CMIP: variants seen among roughly 807,000 people sequenced by gnomAD.
CMIP encodes the protein C-Maf-inducing protein.
A neutral mutation model predicts 97.3 loss-of-function variants in CMIP; 13 were observed. That is an observed-to-expected ratio of 0.13 (90% CI 0.09 to 0.21). CMIP has a LOEUF of 0.21. Among genes scored for constraint, CMIP ranks in the 10% least tolerant of loss-of-function variants. The pLI, the probability that CMIP is intolerant of heterozygous loss-of-function variation, is 1.00. For missense variants in CMIP, 847 were observed against 1,024.9 expected, an observed-to-expected ratio of 0.83 and a Z score of 2.37; for synonymous variants, 538 against 436.3, an observed-to-expected ratio of 1.23 and a Z score of -2.91.
At chr16:81,596,375 G>A (rs2091556564) in intron 1 of CMIP, among the ~76,000 whole-genome samples, 1 of 151,846 alleles carries the variant, frequency 6.6e-6, no homozygotes, top group African/African-American at 2.4e-5. Context: ...CTGTGGTGGG[G>A]CACGCCTATA....
At chr16:81,512,636 G>GT (rs202123265) in intron 1 of CMIP, among the ~76,000 whole-genome samples, 1,959 of 150,862 alleles carry the variant, frequency 0.013, 27 homozygotes, top group Middle Eastern at 0.034. Context: ...TCTTCCAAAG[G>GT]TTTTTTTTTA....
intron 10 of CMIP, among the ~76,000 whole-genome samples, chr16:81,681,638 G>C (rs1567659039): frequency 6.6e-6 from 1 of 152,234 alleles, no homozygotes; most frequent in Admixed American, 6.5e-5. Context: ...ATACTATTGA[G>C]GGCGAGATGC....
At chr16:81,646,997 T>C (rs1010712545) in intron 3 of CMIP, among the ~76,000 whole-genome samples, 3 of 152,234 alleles carry the variant, frequency 2.0e-5, no homozygotes, top group Non-Finnish European at 2.9e-5. Context: ...GGTCATATGA[T>C]AAATTTATGT....
At chr16:81,592,994 G>A (rs1046430998) in intron 1 of CMIP, among the ~76,000 whole-genome samples, 2 of 152,262 alleles carry the variant, frequency 1.3e-5, no homozygotes. Context: ...GCACCCTGGG[G>A]ACCCAGATTT....
At chr16:81,461,249 T>C (rs892908935) in intron 1 of CMIP, among the ~76,000 whole-genome samples, 3 of 152,230 alleles carry the variant, frequency 2.0e-5, no homozygotes, top group African/African-American at 7.2e-5. Context: ...TTGATTTGAC[T>C]GAATTCAGCC....
intron 1 of CMIP, among the ~76,000 whole-genome samples, chr16:81,534,853 A>G (rs940187606): frequency 2.6e-5 from 4 of 152,190 alleles, no homozygotes; most frequent in South Asian, 2.1e-4. Flanking sequence ...TAAATTTTTC[A>G]AATATGTGCT....
intron 1 of CMIP, among the ~76,000 whole-genome samples, chr16:81,586,173 C>G (rs919107572): frequency 5.3e-5 from 8 of 152,220 alleles, no homozygotes; most frequent in African/African-American, 1.9e-4. Flanking sequence ...CCGCCCCACA[C>G]CTACCTTCTG....
At chr16:81,547,980 G>A (rs1324955467) in intron 1 of CMIP, among the ~76,000 whole-genome samples, 4 of 152,176 alleles carry the variant, frequency 2.6e-5, no homozygotes, top group Admixed American at 6.5e-5. Flanking sequence ...GCAGCACGCC[G>A]GCAATCATGT....
chr16:81,672,831 A>G (rs1053048976), intron 9 of CMIP, among the ~76,000 whole-genome samples: 10 of 151,808 alleles, frequency 6.6e-5, no homozygotes, highest in Non-Finnish European at 1.5e-4. Context: ...TCCCATTTGG[A>G]CCTCCCAGAA....
intron 20 of CMIP, 27 bp from the exon 21 acceptor site, chr16:81,709,719 G>A: frequency 6.2e-7 from 1 of 1,613,570 alleles, no homozygotes; most frequent in Middle Eastern, 1.7e-4. Context: ...GCCTACACGT[G>A]ACAAGGACTC....
At chr16:81,572,792 A>G (rs1014803022) in intron 1 of CMIP, among the ~76,000 whole-genome samples, 1 of 152,100 alleles carries the variant, frequency 6.6e-6, no homozygotes, top group Admixed American at 6.5e-5. Flanking sequence ...TGAGTGCAGA[A>G]TGACGGCGGT....
At chr16:81,584,273 T>C (rs1209914219) in intron 1 of CMIP, among the ~76,000 whole-genome samples, 2 of 152,202 alleles carry the variant, frequency 1.3e-5, no homozygotes, top group Non-Finnish European at 2.9e-5. Context: ...GAGCTCTTTC[T>C]GTTTTGTTGA....
chr16:81,541,895 C>T (rs2090456165), intron 1 of CMIP, among the ~76,000 whole-genome samples: 1 of 152,196 alleles, frequency 6.6e-6, no homozygotes, highest in Admixed American at 6.5e-5. Flanking sequence ...ACATATACAC[C>T]TTTACATACT....
intron 3 of CMIP, among the ~76,000 whole-genome samples, chr16:81,644,638 G>C (rs1237379600): frequency 1.3e-5 from 2 of 152,232 alleles, no homozygotes; most frequent in African/African-American, 4.8e-5. Context: ...CCTCCCGGAA[G>C]CCATGGCTTG....
At chr16:81,601,416 C>T (rs1362743443) in intron 1 of CMIP, among the ~76,000 whole-genome samples, 2 of 152,234 alleles carry the variant, frequency 1.3e-5, no homozygotes, top group Admixed American at 6.5e-5. Context: ...GGGGCTCTTT[C>T]TGGGGGGGTC....
At chr16:81,544,990 C>G (rs553433689) in intron 1 of CMIP, among the ~76,000 whole-genome samples, 1 of 152,288 alleles carries the variant, frequency 6.6e-6, no homozygotes, top group Admixed American at 6.5e-5. Flanking sequence ...TCATTTTCAT[C>G]TCCTGCCAGT....
chr16:81,643,892 C>T (rs1286632798), intron 3 of CMIP, among the ~76,000 whole-genome samples: 1 of 152,162 alleles, frequency 6.6e-6, no homozygotes, highest in Non-Finnish European at 1.5e-5. Context: ...GTGATGGCAG[C>T]CCCCTGGTGC....
chr16:81,625,390 G>A (rs184549031), intron 3 of CMIP, among the ~76,000 whole-genome samples: 2 of 152,374 alleles, frequency 1.3e-5, no homozygotes, highest in African/African-American at 4.8e-5. Flanking sequence ...CTGGGTTAAT[G>A]AGGCTTCATT....
chr16:81,457,056 C>T (rs938038614), intron 1 of CMIP, among the ~76,000 whole-genome samples: 11 of 152,140 alleles, frequency 7.2e-5, no homozygotes, highest in Admixed American at 3.3e-4. Flanking sequence ...TCACAGTGAG[C>T]ACGAAGTTCA....
Sources: allele counts gnomAD v4.1 joint callset (sites outside exome capture counted in the v4.1 genomes callset), GRCh38; gene constraint gnomAD v4.1.1; transcripts MANE v1.5; gene names NCBI Gene and HGNC (gene_info 2026-07-23, HGNC 2026-07-21).